KRTDAP: variants seen among roughly 807,000 people sequenced by gnomAD.
KRTDAP encodes the protein keratinocyte differentiation associated protein.
KRTDAP carries 14 observed loss-of-function variants against 18.6 expected under a neutral mutation model. The ratio of observed to expected loss-of-function variants is 0.75; its 90% CI spans 0.50 to 1.18. KRTDAP has a LOEUF of 1.18. KRTDAP is among the 50% of genes most tolerant of loss of function. The pLI is 0.00. For missense variants in KRTDAP, 114 were observed against 121.3 expected, an observed-to-expected ratio of 0.94 and a Z score of 0.28; for synonymous variants, 53 against 49.5, an observed-to-expected ratio of 1.07 and a Z score of -0.29.
intron 1 of KRTDAP, among the ~76,000 whole-genome samples, chr19:35,489,504 C>G (rs1032075557): frequency 3.3e-5 from 5 of 152,180 alleles, no homozygotes; most frequent in African/African-American, 1.2e-4. Flanking sequence ...CTAGTTTCCC[C>G]TGAAAAATGT....
intron 5 of KRTDAP, 81 bp downstream of exon 5, chr19:35,487,631 T>C (rs1421827902): frequency 3.9e-6 from 5 of 1,293,052 alleles, no homozygotes; most frequent in Non-Finnish European, 5.6e-6. Flanking sequence ...CTCCTTTCCC[T>C]GTCCCCACTC....
chr19:35,488,614 T>C (rs775199246), intron 3 of KRTDAP, 48 bp downstream of exon 3: 1 of 1,613,192 alleles, frequency 6.2e-7, no homozygotes. Context: ...GTTTATCCCC[T>C]CTGTGATGAG....
chr19:35,487,383 A>C lies in KRTDAP; in HGVS notation c.*45T>G. 1 of 1,587,604 alleles carries C rather than the reference A, an allele frequency of 6.3e-7. No homozygotes were observed. Among genetic ancestry groups the C allele is most frequent in the Non-Finnish European group, 8.7e-7 (1 of 1,155,590 alleles). On this transcript the variant is annotated 3_prime_UTR_variant, in exon 6 of 6. Transcript: ENST00000338897. ...GGCAGGAAAGAGTTATGGTAGGTTG[A>C]GAATCAGCGCTCACGCTAGCCCCCT...
intron 1 of KRTDAP, among the ~76,000 whole-genome samples, chr19:35,490,031 T>C (rs569634907): frequency 6.8e-6 from 1 of 147,336 alleles, no homozygotes; most frequent in East Asian, 2.0e-4. Flanking sequence ...CAGGCATGTG[T>C]GCAGCTGGAA....
At chr19:35,487,782 G>C in intron 4 of KRTDAP, 23 bp from the exon 5 acceptor site, 1 of 1,594,776 alleles carries the variant, frequency 6.3e-7, no homozygotes, top group Non-Finnish European at 8.6e-7. Context: ...AAGAGAAAGA[G>C]AGTGATGTGT....
In KRTDAP at chr19:35,488,786, A is replaced by G. The variant is rs767202296; in HGVS notation, c.126+16T>C. 2 of 1,614,022 alleles carry G rather than the reference A, an allele frequency of 1.2e-6. No homozygotes were observed. The highest frequency in any genetic ancestry group is 1.7e-6 in the Non-Finnish European group (2 of 1,180,022). ...CAGACTCGTGGCTGGAGGGCCGGGG[A>G]AAACAGACGGCTTACCTCGGGTCGT... On this transcript the variant is annotated intron_variant, in intron 2 of 5. Transcript: ENST00000338897.
Position 35,488,674 on chromosome 19 carries a change from G to A in KRTDAP, c.156C>T (p.Asp52=). The change falls in exon 3 of 6, where the codon GAC becomes GAT. Residue 52 remains aspartate, a synonymous_variant. Transcript: ENST00000338897. ...EAFNTPFLNI[D]KLRSAFKADE... ...GAAGCGTACTCACAGATCGCAATTT[G>A]TCGATGTTCAGGAACGGGGTGTTAA... 1.2e-6 allele frequency: 2 copies of A among 1,614,182 alleles called. No individual in the cohort carries two copies. Among genetic ancestry groups the A allele is most frequent in the Non-Finnish European group, 1.7e-6 (2 of 1,180,044 alleles).
Position 35,487,682 on chromosome 19 carries a change from C to G in KRTDAP, c.261+30G>C, listed in dbSNP as rs913025562. ...CTGCTTCTTCCCTTACCCCCAAGCTCCATACCCTCCTAATGCCCACACCTC... is the reference window on the plus strand; with the variant it reads ...CTGCTTCTTCCCTTACCCCCAAGCTGCATACCCTCCTAATGCCCACACCTC... On this transcript the variant is annotated intron_variant, in intron 5 of 5. Transcript: ENST00000338897. The G allele has an allele frequency of 3.1e-6, 5 of 1,594,346 alleles. No individual in the cohort carries two copies. In the African/African-American group the frequency reaches 6.7e-5, roughly 21 times the overall value.
At chr19:35,487,794 G>T in intron 4 of KRTDAP, 35 bp from the exon 5 acceptor site, 3 of 1,529,886 alleles carry the variant, frequency 2.0e-6, no homozygotes, top group Non-Finnish European at 2.7e-6. Flanking sequence ...GTGATGTGTT[G>T]CAGGTCAGCC....
At position 35,488,555 on chromosome 19, in the gene KRTDAP, TGGAGAAGGTGAAGGAAC is replaced by T. The variant is rs1402661116; in HGVS notation, c.169-87_169-71del. The T allele has an allele frequency of 6.2e-6, 10 of 1,607,568 alleles. No homozygotes were observed. In the African/African-American group the frequency reaches 1.3e-4, roughly 22 times the overall value. On this transcript the variant is annotated intron_variant, in intron 3 of 5. Coordinates refer to ENST00000338897, the MANE Select transcript of KRTDAP (RefSeq NM_207392.3). ...GGCCAGAGCTTAGCCCCCAGCCCTC[TGGAGAAGGTGAAGGAAC>T]CGTGGCAGCTTTGCAAGCTCTCTAC...
chr19:35,488,302 T>A, intron 4 of KRTDAP, 139 bp downstream of exon 4: 1 of 856,818 alleles, frequency 1.2e-6, no homozygotes, highest in South Asian at 1.6e-5. Context: ...TGACAGCCCA[T>A]TGGGCAGCAT....
At chr19:35,487,608 G>T in intron 5 of KRTDAP, 104 bp downstream of exon 5, 2 of 1,192,502 alleles carry the variant, frequency 1.7e-6, no homozygotes, top group Non-Finnish European at 2.5e-6. Flanking sequence ...TCAGTTTGGT[G>T]AGAAGGCTGA....
At chr19:35,488,897 C>A (rs960348460) in intron 1 of KRTDAP, 57 bp from the exon 2 acceptor site, 1 of 1,526,346 alleles carries the variant, frequency 6.6e-7, no homozygotes, top group Non-Finnish European at 9.0e-7. Context: ...AGGGCCCTTG[C>A]CCACATCCCT....
intron 3 of KRTDAP, 52 bp downstream of exon 3, chr19:35,488,610 C>A (rs956854771): frequency 1.1e-5 from 17 of 1,609,180 alleles, no homozygotes; most frequent in Non-Finnish European, 1.4e-5. Context: ...AGGCGTTTAT[C>A]CCCTCTGTGA....
chr19:35,490,016 G>A (rs573160140), intron 1 of KRTDAP, among the ~76,000 whole-genome samples: 3 of 151,616 alleles, frequency 2.0e-5, no homozygotes, highest in Non-Finnish European at 4.4e-5. Context: ...TCCCCTGCAC[G>A]TCCCCAGGCA....
At position 35,487,374 on chromosome 19, in the gene KRTDAP, G is replaced by A. The variant is rs891713169; in HGVS notation, c.*54C>T. 1.3e-6 allele frequency: 2 copies of A among 1,535,124 alleles called. No individual in the cohort carries two copies. Among genetic ancestry groups the A allele is most frequent in the African/African-American group, 1.4e-5 (1 of 73,718 alleles). ...AGTTCCTGAGGCAGGAAAGAGTTAT[G>A]GTAGGTTGAGAATCAGCGCTCACGC... On this transcript the variant is annotated 3_prime_UTR_variant, in exon 6 of 6. Transcript: ENST00000338897.
chr19:35,488,427 G>A lies in KRTDAP; in HGVS notation c.213+14C>T, dbSNP rs746999271. ...CAGACAACCGAGGAGGGCAAGGGGC[G>A]CCGGAGCACTCACCTCAAAGAGGGC... On this transcript the variant is annotated intron_variant, in intron 4 of 5. Transcript: ENST00000338897. The A allele has an allele frequency of 1.9e-5, 31 of 1,611,314 alleles. No individual in the cohort carries two copies. Among genetic ancestry groups the A allele is most frequent in the Admixed American group, 3.4e-5 (2 of 59,498 alleles).
chr19:35,487,481 GT>G lies in KRTDAP; in HGVS notation c.262-16del, dbSNP rs1156761023. The G allele has an allele frequency of 6.2e-7, 1 of 1,613,146 alleles. No homozygotes were observed. ...AGTCCTTTCAGCTAGAGGGAGAGGG[GT>G]CAGGGTTAGATGGGGAACCCGTGGG... On this transcript the variant is annotated splice_polypyrimidine_tract_variant and intron_variant, in intron 5 of 5. Coordinates refer to ENST00000338897, the MANE Select transcript of KRTDAP (RefSeq NM_207392.3).
chr19:35,488,410 C>G (rs751444079), intron 4 of KRTDAP, 31 bp downstream of exon 4: 3 of 1,608,582 alleles, frequency 1.9e-6, no homozygotes, highest in East Asian at 2.2e-5. Flanking sequence ...TGCAGACAAC[C>G]GAGGAGGGCA....
Sources: allele counts gnomAD v4.1 joint callset (sites outside exome capture counted in the v4.1 genomes callset), GRCh38; gene constraint gnomAD v4.1.1; transcripts MANE v1.5; gene names NCBI Gene and HGNC (gene_info 2026-07-23, HGNC 2026-07-21).